Variants in GSDME observed in about 807,000 individuals in gnomAD.
GSDME encodes gasdermin E, also known as gasdermin-E.
Under a neutral mutation model 47.5 loss-of-function variants are expected in GSDME, and 44 were observed. The observed-to-expected ratio is 0.93, with a 90% CI of 0.73 to 1.19. The LOEUF is 1.19. GSDME is among the 50% of genes most tolerant of loss of function. The probability of loss-of-function intolerance (pLI) is 0.00; values close to 1 mark genes in which losing one functional copy is unlikely to be tolerated. For missense variants in GSDME, 663 were observed against 604.2 expected (o/e 1.10, Z -1.02); for synonymous variants, 258 against 252.8 (o/e 1.02, Z -0.20).
chr7:24,738,320 A>G (rs952011275), intron 3 of GSDME, among the ~76,000 whole-genome samples: 8 of 152,196 alleles, frequency 5.3e-5, no homozygotes, highest in African/African-American at 1.9e-4. Context: ...TAGCATGTCT[A>G]TAGGGCAACA....
At chr7:24,702,650 A>C in intron 9 of GSDME, 110 bp downstream of exon 9, 11 of 847,906 alleles carry the variant, frequency 1.3e-5, no homozygotes, top group Non-Finnish European at 2.2e-5. Flanking sequence ...TGTGTCTTGA[A>C]GAGCTGTTGT....
Position 24,745,137 on chromosome 7 carries a change from A to C in GSDME, c.212-383T>G, listed in dbSNP as rs190130644. 6.6e-6 allele frequency among the ~76,000 whole-genome samples: 1 copy of C among 152,250 alleles called. No individual in the cohort carries two copies. The highest frequency in any genetic ancestry group is 6.5e-5 in the Admixed American group (1 of 15,290). ...ACGTATAGAAAGGTGCACAGAAAGG[A>C]CTAATGAATAAAGTTAGCGCCTGTT... On this transcript the variant is annotated intron_variant, in intron 2 of 9. Coordinates refer to ENST00000645220, the MANE Select transcript of GSDME (RefSeq NM_001127453.2). The surrounding 1 kb of genome is among the most constrained non-coding windows in gnomAD (Gnocchi z 4.4).
chr7:24,792,715 G>A, the GSDME span, among the ~76,000 whole-genome samples: 33 of 152,204 alleles, frequency 2.2e-4, no homozygotes, highest in African/African-American at 7.2e-4. Flanking sequence ...ACTCGGGTGT[G>A]ATGAGTCCAT....
At chr7:24,718,256 C>T (rs759401243) in intron 4 of GSDME, among the ~76,000 whole-genome samples, 1 of 152,222 alleles carries the variant, frequency 6.6e-6, no homozygotes, top group Non-Finnish European at 1.5e-5. Context: ...CTGAGTTCCT[C>T]TAGAAAAAGC....
intron 3 of GSDME, among the ~76,000 whole-genome samples, chr7:24,741,756 C>T (rs1790499592): frequency 6.6e-6 from 1 of 152,090 alleles, no homozygotes; most frequent in South Asian, 2.1e-4. Flanking sequence ...TTATCAATCC[C>T]AATGATGTTA....
intron 3 of GSDME, among the ~76,000 whole-genome samples, chr7:24,731,586 G>A (rs146216698): frequency 1.4e-3 from 215 of 152,344 alleles, no homozygotes; most frequent in African/African-American, 4.8e-3. Flanking sequence ...TTCCCTCCCC[G>A]GGAGCTCTGG....
chr7:24,716,640 C>G lies in GSDME; in HGVS notation c.697+614G>C, dbSNP rs920385131. On this transcript the variant is annotated intron_variant, in intron 5 of 9. Transcript: ENST00000645220. This position sits in a 1 kb window ranked among gnomAD's most constrained non-coding sequence, Gnocchi z 4.5. ...TTCTTCCGTGACAACAGCTGGGTCT[C>G]TGCGCTTTGAACACACTCGTGATCA... 2 of 158,436 alleles carry G rather than the reference C, an allele frequency of 1.3e-5. No homozygotes were observed. Among genetic ancestry groups the G allele is most frequent in the Non-Finnish European group, 2.8e-5 (2 of 71,494 alleles). 9.8% of individuals were successfully genotyped at this position (158,436 alleles called of 1,614,324 possible).
Position 24,719,189 on chromosome 7 carries a change from T to G in GSDME, c.434A>C (p.Gln145Pro). 1 of 1,613,272 alleles carries G rather than the reference T, an allele frequency of 6.2e-7. No homozygotes were observed. The highest frequency in any genetic ancestry group is 8.5e-7 in the Non-Finnish European group (1 of 1,180,030). Residue 145 changes from glutamine to proline, a missense_variant, in exon 4 of 10, where the codon CAG (glutamine) becomes CCG (proline). Physicochemically the swap from Gln to Pro is moderately conservative, Grantham distance 76. Transcript: ENST00000645220. ...RTINLRNPVL[Q>P]QVLEGRNEVL... The stretch of plus-strand genomic sequence containing the variant: ...CTCATTCCTTCCTTCCAGCACCTGC[T>G]GGAGCACAGGGTTTCTCAGATTTAT...
rs559632282 is a variant in GSDME, at chr7:24,725,086, G to A, written c.405-5868C>T. 6.6e-6 allele frequency among the ~76,000 whole-genome samples: 1 copy of A among 152,302 alleles called. No homozygotes were observed. Among genetic ancestry groups the A allele is most frequent in the East Asian group, 1.9e-4 (1 of 5,184 alleles). The stretch of plus-strand genomic sequence containing the variant: ...TCCTGTACAGCCTGCAGAGCCATGA[G>A]CCAATTAAACCTCTCTTCTGTATAA... On this transcript the variant is annotated intron_variant, in intron 3 of 9. Coordinates refer to ENST00000645220, the MANE Select transcript of GSDME (RefSeq NM_001127453.2). The surrounding 1 kb of genome is among the most constrained non-coding windows in gnomAD (Gnocchi z 5.1).
In GSDME at chr7:24,721,478, G is replaced by A. The variant is rs1416179750; in HGVS notation, c.405-2260C>T. On this transcript the variant is annotated intron_variant, in intron 3 of 9. Transcript: ENST00000645220. The surrounding 1 kb of genome is among the most constrained non-coding windows in gnomAD (Gnocchi z 4.1). The stretch of plus-strand genomic sequence containing the variant: ...CTCTGCCCTCCCACTGGGCAAGCTC[G>A]AGTGAAGGGCCACCTCTGCACCTAG... Among the ~76,000 whole-genome samples the A allele has an allele frequency of 3.9e-5, 6 of 152,214 alleles. No individual in the cohort carries two copies. The East Asian group carries it at 7.7e-4, about 19-fold the overall frequency.
At chr7:24,708,741 G>A (rs1005461720) in intron 6 of GSDME, among the ~76,000 whole-genome samples, 10 of 152,074 alleles carry the variant, frequency 6.6e-5, no homozygotes, top group African/African-American at 2.2e-4. Flanking sequence ...ATTTTTAAAG[G>A]GGCTGGCACC....
At position 24,742,730 on chromosome 7, in the gene GSDME, G is replaced by C. The variant is rs943990324; in HGVS notation, c.404+1832C>G. On this transcript the variant is annotated intron_variant, in intron 3 of 9. Transcript: ENST00000645220. The surrounding 1 kb of genome is among the most constrained non-coding windows in gnomAD (Gnocchi z 4.4). ...GGTTGGGTGAGACTGAGGGAGCAGAGAAGACGCTCTGGACACCCCCCGCCT... is the reference window on the plus strand; with the variant it reads ...GGTTGGGTGAGACTGAGGGAGCAGACAAGACGCTCTGGACACCCCCCGCCT... Among the ~76,000 whole-genome samples the C allele has an allele frequency of 2.0e-5, 3 of 152,186 alleles. No individual in the cohort carries two copies. Among genetic ancestry groups the C allele is most frequent in the African/African-American group, 4.8e-5 (2 of 41,456 alleles).
rs1036681887 is a variant in GSDME, at chr7:24,726,296, G to T, written c.405-7078C>A. Among the ~76,000 whole-genome samples, 1 of 152,190 alleles carries T rather than the reference G, an allele frequency of 6.6e-6. No homozygotes were observed. The highest frequency in any genetic ancestry group is 2.4e-5 in the African/African-American group (1 of 41,444). On this transcript the variant is annotated intron_variant, in intron 3 of 9. Transcript: ENST00000645220. This position sits in a 1 kb window ranked among gnomAD's most constrained non-coding sequence, Gnocchi z 5.6. The stretch of plus-strand genomic sequence containing the variant: ...TTAAAAGTCTGACAATATCCAAAAG[G>T]AGGGAAGCAGGTTTCTTTACCAAAG...
intron 3 of GSDME, among the ~76,000 whole-genome samples, chr7:24,730,263 A>G (rs1414136011): frequency 2.0e-5 from 3 of 152,248 alleles, no homozygotes; most frequent in African/African-American, 7.2e-5. Flanking sequence ...GCAGCTCATC[A>G]GTTCTGAGAC....
At chr7:24,715,908 G>C (rs1443247104) in intron 5 of GSDME, among the ~76,000 whole-genome samples, 2 of 152,226 alleles carry the variant, frequency 1.3e-5, no homozygotes, top group East Asian at 3.9e-4. Context: ...GAATGAGAGA[G>C]GGAGACTCTG....
At chr7:24,785,369 A>C in the GSDME span, among the ~76,000 whole-genome samples, 164 of 152,350 alleles carry the variant, frequency 1.1e-3, 2 homozygotes, top group African/African-American at 3.5e-3. Flanking sequence ...GAAAATACTA[A>C]AGAAATATCA....
At chr7:24,734,469 G>A (rs1313806694) in intron 3 of GSDME, among the ~76,000 whole-genome samples, 1 of 152,202 alleles carries the variant, frequency 6.6e-6, no homozygotes, top group Non-Finnish European at 1.5e-5. Flanking sequence ...GACCAATCCT[G>A]GAGAGACAGA....
At chr7:24,783,099 G>T in the GSDME span, among the ~76,000 whole-genome samples, 2 of 152,134 alleles carry the variant, frequency 1.3e-5, no homozygotes, top group African/African-American at 4.8e-5. Flanking sequence ...GTAGCTTCTG[G>T]AAAACTCCAC....
chr7:24,710,473 A>G, intron 5 of GSDME, 85 bp from the exon 6 acceptor site: 1 of 1,325,088 alleles, frequency 7.5e-7, no homozygotes, highest in South Asian at 1.2e-5. Context: ...CCCAGCCTTG[A>G]TGGCACATCT....
Sources: allele counts gnomAD v4.1 joint callset (sites outside exome capture counted in the v4.1 genomes callset), GRCh38; gene constraint gnomAD v4.1.1; non-coding constraint Gnocchi (gnomAD v3.1); transcripts MANE v1.5; gene names NCBI Gene and HGNC (gene_info 2026-07-23, HGNC 2026-07-21).